Variants in ARHGAP12 observed in about 807,000 individuals in gnomAD.
ARHGAP12 encodes the protein rho GTPase-activating protein 12.
Under a neutral mutation model 108.6 loss-of-function variants are expected in ARHGAP12, and 64 were observed. The observed-to-expected ratio is 0.59, with a 90% confidence interval of 0.48 to 0.73. The LOEUF (loss-of-function observed/expected upper bound fraction) is 0.73, where lower values mean the gene tolerates loss of function less well. Among genes scored for constraint, ARHGAP12 ranks in the 30% least tolerant of loss-of-function variants. The probability of loss-of-function intolerance (pLI) is 0.00; values close to 1 mark genes in which losing one functional copy is unlikely to be tolerated. For missense variants in ARHGAP12, 940 were observed against 1,005.9 expected (o/e 0.93, Z 0.89); for synonymous variants, 312 against 337.2 (o/e 0.93, Z 0.82).
chr10:31,885,162 T>C (rs1267866978), intron 3 of ARHGAP12, among the ~76,000 whole-genome samples: 1 of 152,168 alleles, frequency 6.6e-6, no homozygotes, highest in Non-Finnish European at 1.5e-5. Flanking sequence ...AATAATCAGT[T>C]TGTCATTCTT....
intron 1 of ARHGAP12, chr10:31,913,776 G>A (rs2797402): frequency 6.8e-6 from 1 of 146,420 alleles, no homozygotes; most frequent in Non-Finnish European, 1.5e-5. Flanking sequence ...TTCTAGCAGG[G>A]TTTTTTTTTT....
At chr10:31,860,002 G>A (rs12253196) in intron 4 of ARHGAP12, among the ~76,000 whole-genome samples, 7,661 of 152,052 alleles carry the variant, frequency 0.05, 644 homozygotes, top group African/African-American at 0.17. Flanking sequence ...GGCTGGTTTC[G>A]AACTCCTGAC....
rs56210740 is a variant in ARHGAP12, at chr10:31,922,180, CAAAAAAAAAAAAA to C, written c.-111+6490_-111+6502del. ...TGGGAGACAGAGCAAGACCCTGCCT[CAAAAAAAAAAAAA>C]AAAAAAAAAAAAAAAAAAAAAAAAA... On this transcript the variant is annotated intron_variant, in intron 1 of 19. Transcript: ENST00000344936. Among the ~76,000 whole-genome samples, 56 of 66,122 alleles carry C rather than the reference CAAAAAAAAAAAAA, an allele frequency of 8.5e-4. 1 individual carries two copies. Among genetic ancestry groups the C allele is most frequent in the African/African-American group, 3.5e-3 (54 of 15,612 alleles). 43.4% of individuals were successfully genotyped at this position (66,122 alleles called of 152,430 possible).
intron 3 of ARHGAP12, 39 bp downstream of exon 3, chr10:31,908,133 G>T (rs768628686): frequency 2.0e-6 from 3 of 1,495,784 alleles, no homozygotes; most frequent in East Asian, 2.3e-5. Context: ...ATTTTCACTA[G>T]GGTGGTACAG....
chr10:31,848,149 T>C (rs1005610540), intron 6 of ARHGAP12, among the ~76,000 whole-genome samples: 1 of 152,070 alleles, frequency 6.6e-6, no homozygotes, highest in Admixed American at 6.5e-5. Context: ...CATATCCCAG[T>C]GAAAGCAAGC....
intron 6 of ARHGAP12, among the ~76,000 whole-genome samples, chr10:31,849,248 T>G (rs934021379): frequency 3.3e-5 from 5 of 152,130 alleles, no homozygotes; most frequent in Non-Finnish European, 7.4e-5. Flanking sequence ...TTTCTCTCAA[T>G]CCTCCTTCCT....
rs1836719440 is a variant in ARHGAP12, at chr10:31,852,441, A to G, written c.1170+76T>C. On this transcript the variant is annotated intron_variant, in intron 6 of 19. Transcript: ENST00000344936. ...AAAAGTAGAATAAAGATCTTAAAAT[A>G]AATCTGCTGAAACCATCTCCAGATA... The G allele has an allele frequency of 2.6e-6, 3 of 1,145,838 alleles. No homozygotes were observed. In the African/African-American group the frequency reaches 4.6e-5, roughly 18 times the overall value. The allele number at this position is 1,145,838 out of a possible 1,614,324, so 71.0% of individuals were successfully genotyped here.
intron 9 of ARHGAP12, 120 bp from the exon 10 acceptor site, chr10:31,831,920 CAA>C (rs1835849367): frequency 2.0e-6 from 1 of 492,552 alleles, no homozygotes; most frequent in African/African-American, 2.0e-5. Flanking sequence ...AAAGATTAGT[CAA>C]TGTGTAACAT....
rs1277670242 is a variant in ARHGAP12 at position 31,865,857 on chromosome 10, G to A, written c.685-4199C>T. Among the ~76,000 whole-genome samples, 11 of 145,270 alleles carry A rather than the reference G, an allele frequency of 7.6e-5. No homozygotes were observed. The South Asian group carries it at 1.6e-3, about 21-fold the overall frequency. On this transcript the variant is annotated intron_variant, in intron 3 of 19. Transcript: ENST00000344936. ...CGCGACGCTGCACTCCAGCCTGGGC[G>A]ACTGAGCAAGACTCCGTCTCAAAAA...
intron 9 of ARHGAP12, among the ~76,000 whole-genome samples, chr10:31,832,435 T>C (rs552568059): frequency 9.2e-5 from 14 of 152,344 alleles, no homozygotes; most frequent in Admixed American, 7.2e-4. Flanking sequence ...ACACAAGCTT[T>C]ATCATCAAAC....
At chr10:31,815,939 G>A (rs2799014) in intron 13 of ARHGAP12, among the ~76,000 whole-genome samples, 1 of 151,982 alleles carries the variant, frequency 6.6e-6, no homozygotes, top group Non-Finnish European at 1.5e-5. Context: ...CACTTGAGGT[G>A]AGGAATTCGA....
intron 1 of ARHGAP12, among the ~76,000 whole-genome samples, chr10:31,914,623 T>C (rs983234906): frequency 2.6e-5 from 4 of 152,138 alleles, no homozygotes; most frequent in Non-Finnish European, 4.4e-5. Context: ...AGAATGGCTA[T>C]TATCAAAAAG....
At chr10:31,901,778 CT>C (rs1203152383) in intron 3 of ARHGAP12, among the ~76,000 whole-genome samples, 1 of 152,118 alleles carries the variant, frequency 6.6e-6, no homozygotes, top group Non-Finnish European at 1.5e-5. Flanking sequence ...CTCTTTCTTT[CT>C]TCCACCTTCT....
Position 31,863,000 on chromosome 10 carries a change from G to T in ARHGAP12, c.685-1342C>A, listed in dbSNP as rs545530946. Among the ~76,000 whole-genome samples the T allele has an allele frequency of 1.1e-4, 16 of 152,242 alleles. No homozygotes were observed. In the South Asian group the frequency reaches 3.1e-3, roughly 30 times the overall value. On this transcript the variant is annotated intron_variant, in intron 3 of 19. Transcript: ENST00000344936. Reference sequence around the variant, plus strand: ...AGTGCTTTAACTTCTAAAAATATTTGTCTATAATGTTTGTGAGTTTAAATC... The same window carrying T: ...AGTGCTTTAACTTCTAAAAATATTTTTCTATAATGTTTGTGAGTTTAAATC...
chr10:31,896,485 AG>A (rs1838702030), intron 3 of ARHGAP12, among the ~76,000 whole-genome samples: 1 of 152,116 alleles, frequency 6.6e-6, no homozygotes, highest in Admixed American at 6.6e-5. Context: ...GCATCGTGTC[AG>A]CCTCATAGAG....
chr10:31,924,266 G>A (rs1390048980), intron 1 of ARHGAP12, among the ~76,000 whole-genome samples: 2 of 152,118 alleles, frequency 1.3e-5, no homozygotes, highest in African/African-American at 4.8e-5. Flanking sequence ...ATTCATAATG[G>A]CCAGAAATTG....
At chr10:31,913,042 C>T (rs1016478472) in intron 1 of ARHGAP12, 1 of 152,176 alleles carries the variant, frequency 6.6e-6, no homozygotes. Flanking sequence ...TGCCATGTGT[C>T]GGCCGTACAC....
rs573126545 is a variant in ARHGAP12 at position 31,880,048 on chromosome 10, T to C, written c.685-18390A>G. Among the ~76,000 whole-genome samples, 20 of 152,342 alleles carry C rather than the reference T, an allele frequency of 1.3e-4. No individual in the cohort carries two copies. In the South Asian group the frequency reaches 3.9e-3, roughly 30 times the overall value. On this transcript the variant is annotated intron_variant, in intron 3 of 19. Transcript: ENST00000344936. Reference sequence around the variant, plus strand: ...TCATAAGCATGGTTCTGTTCAAAGATATGCTCTCTGCTCATCATCATATTC... The same window carrying C: ...TCATAAGCATGGTTCTGTTCAAAGACATGCTCTCTGCTCATCATCATATTC...
chr10:31,877,039 GCTTGTT>G (rs751488771), intron 3 of ARHGAP12, among the ~76,000 whole-genome samples: 7 of 152,186 alleles, frequency 4.6e-5, no homozygotes, highest in Non-Finnish European at 8.8e-5. Context: ...GGTCCCAAAT[GCTTGTT>G]CTTTTTCATC....
Sources: gnomAD v4.1 joint callset for allele counts (sites outside exome capture counted in the v4.1 genomes callset) on GRCh38, gnomAD v4.1.1 for gene constraint, MANE v1.5 for transcripts, NCBI Gene and HGNC (gene_info 2026-07-23, HGNC 2026-07-21) for gene names.